TENM2: variants seen among roughly 807,000 people sequenced by gnomAD.
TENM2 encodes teneurin-2.
In TENM2, 52 loss-of-function variants were observed where a neutral mutation model predicts 245.2. The ratio of observed to expected loss-of-function variants is 0.21; its 90% CI spans 0.17 to 0.27. TENM2 has a LOEUF of 0.27. TENM2 is among the 10% of genes least tolerant of loss of function. The probability of loss-of-function intolerance (pLI) is 1.00; values close to 1 mark genes in which losing one functional copy is unlikely to be tolerated. For missense variants in TENM2, 3,046 were observed against 3,666.8 expected (o/e 0.83, Z 4.37); for synonymous variants, 1,363 against 1,438.9 (o/e 0.95, Z 1.19).
intron 2 of TENM2, among the ~76,000 whole-genome samples, chr5:167,634,769 C>T (rs62382816): frequency 0.23 from 34,549 of 151,950 alleles, 5,056 homozygotes; most frequent in Non-Finnish European, 0.33. Flanking sequence ...TTCAGTCTAC[C>T]CAGAGCAGTC....
intron 2 of TENM2, among the ~76,000 whole-genome samples, chr5:167,641,970 G>A (rs750270712): frequency 5.3e-5 from 8 of 151,658 alleles, no homozygotes; most frequent in East Asian, 1.9e-4. Flanking sequence ...GTGAAACCCC[G>A]TTTCTACTAA....
intron 3 of TENM2, among the ~76,000 whole-genome samples, chr5:167,901,589 C>A (rs1397149305): frequency 6.6e-6 from 1 of 152,164 alleles, no homozygotes; most frequent in Non-Finnish European, 1.5e-5. Flanking sequence ...CATCTCATAA[C>A]ATTATTGTGA....
the TENM2 span, among the ~76,000 whole-genome samples, chr5:167,006,966 C>T: frequency 1.9e-4 from 29 of 152,278 alleles, no homozygotes; most frequent in Admixed American, 9.8e-4. Flanking sequence ...CCACCACACC[C>T]GGCCCACATT....
intron 3 of TENM2, among the ~76,000 whole-genome samples, chr5:167,893,164 T>C (rs980666502): frequency 2.6e-5 from 4 of 152,164 alleles, no homozygotes; most frequent in Admixed American, 6.5e-5. Context: ...TTCCTGTCTG[T>C]GATAAATAAG....
chr5:167,646,177 C>CATATATATATATGTTGTTTTCAT (rs1561634043), intron 2 of TENM2, among the ~76,000 whole-genome samples: 2 of 84,174 alleles, frequency 2.4e-5, no homozygotes, highest in African/African-American at 9.4e-5. Flanking sequence ...ATGTTGTTTT[C>CATATATATATATGTTGTTTTCAT]ATATATATAT....
At position 167,649,331 on chromosome 5, in the gene TENM2, C is replaced by T. The variant is rs1582648962; in HGVS notation, c.503-226655C>T. On this transcript the variant is annotated intron_variant, in intron 2 of 28. Coordinates refer to ENST00000518659, the Ensembl canonical transcript of TENM2. ...TGACCTTAAAGGCTGCAAAATGCTT[C>T]AGGAGTTTGATGGGCAGGTGGTGCT... 7.2e-5 allele frequency among the ~76,000 whole-genome samples: 11 copies of T among 152,152 alleles called. No homozygotes were observed. The South Asian group carries it at 2.3e-3, about 32-fold the overall frequency.
intron 2 of TENM2, among the ~76,000 whole-genome samples, chr5:167,628,987 T>C (rs1428561485): frequency 6.6e-6 from 1 of 152,194 alleles, no homozygotes; most frequent in African/African-American, 2.4e-5. Flanking sequence ...TTACATAAAT[T>C]AATGATAATT....
intron 2 of TENM2, among the ~76,000 whole-genome samples, chr5:167,770,658 T>C (rs1428518450): frequency 6.6e-6 from 1 of 152,192 alleles, no homozygotes; most frequent in Non-Finnish European, 1.5e-5. Flanking sequence ...GAGTTTTGAC[T>C]CACAGCATTA....
chr5:167,730,209 C>T (rs1251148858), intron 2 of TENM2, among the ~76,000 whole-genome samples: 1 of 152,152 alleles, frequency 6.6e-6, no homozygotes, highest in Non-Finnish European at 1.5e-5. Flanking sequence ...ATGAAAATAT[C>T]TTGTGGTTTC....
chr5:167,042,508 CAAA>C, the TENM2 span, among the ~76,000 whole-genome samples: 2 of 152,060 alleles, frequency 1.3e-5, no homozygotes, highest in Non-Finnish European at 2.9e-5. Context: ...TGTGTGGAAT[CAAA>C]GAAGAATTTG....
chr5:168,053,403 C>A (rs1408816203), intron 6 of TENM2, among the ~76,000 whole-genome samples: 1 of 152,172 alleles, frequency 6.6e-6, no homozygotes, highest in Non-Finnish European at 1.5e-5. Flanking sequence ...CATATCCTCA[C>A]TGGCCACACT....
intron 13 of TENM2, among the ~76,000 whole-genome samples, chr5:168,177,181 G>C (rs183045133): frequency 6.6e-6 from 1 of 152,198 alleles, no homozygotes; most frequent in Admixed American, 6.5e-5. Flanking sequence ...GGCCAGCTGC[G>C]TGTGAATCCC....
intron 5 of TENM2, among the ~76,000 whole-genome samples, chr5:168,008,114 TC>T (rs1407276880): frequency 6.6e-5 from 10 of 152,258 alleles, no homozygotes; most frequent in African/African-American, 2.2e-4. Context: ...AGGGAGAAAC[TC>T]CCAAGGGCTG....
chr5:167,807,616 A>ATT (rs770429037), intron 2 of TENM2, among the ~76,000 whole-genome samples: 22 of 25,454 alleles, frequency 8.6e-4, no homozygotes, highest in Non-Finnish European at 1.6e-3. Flanking sequence ...TAATAAATGC[A>ATT]TTTTTTTTAA....
the TENM2 span, among the ~76,000 whole-genome samples, chr5:167,225,041 T>C: frequency 2.0e-5 from 3 of 152,212 alleles, no homozygotes; most frequent in South Asian, 6.2e-4. Context: ...TTGATTTTTG[T>C]ATGTTTATTG....
chr5:167,220,260 T>C, the TENM2 span, among the ~76,000 whole-genome samples: 3 of 152,224 alleles, frequency 2.0e-5, no homozygotes. Flanking sequence ...AATCCTTCCA[T>C]TAAGAACTCA....
At chr5:167,607,162 T>C (rs891459153) in intron 2 of TENM2, among the ~76,000 whole-genome samples, 2 of 152,096 alleles carry the variant, frequency 1.3e-5, no homozygotes, top group African/African-American at 4.8e-5. Context: ...TCACTTCTAA[T>C]TGCAATACAG....
chr5:167,947,778 G>C (rs1779752509), intron 3 of TENM2, among the ~76,000 whole-genome samples: 1 of 152,190 alleles, frequency 6.6e-6, no homozygotes, highest in Non-Finnish European at 1.5e-5. Flanking sequence ...CTGAGGGTCT[G>C]AGGGAGTTGA....
chr5:167,842,275 C>CAAAA, intron 2 of TENM2, among the ~76,000 whole-genome samples: 1 of 151,654 alleles, frequency 6.6e-6, no homozygotes, highest in East Asian at 1.9e-4. Flanking sequence ...AAAACAAAAA[C>CAAAA]AAAAAAACAA....
Sources: gnomAD v4.1 joint callset for allele counts (sites outside exome capture counted in the v4.1 genomes callset) on GRCh38, gnomAD v4.1.1 for gene constraint, MANE v1.5 for transcripts, NCBI Gene and HGNC (gene_info 2026-07-23, HGNC 2026-07-21) for gene names.